The following PPP4R3B variants were observed in gnomAD, a reference collection of about 807,000 sequenced individuals.
PPP4R3B encodes serine/threonine-protein phosphatase 4 regulatory subunit 3B.
A neutral mutation model predicts 95.4 loss-of-function variants in PPP4R3B; 52 were observed. The ratio of observed to expected loss-of-function variants is 0.54; its 90% confidence interval spans 0.44 to 0.69. The LOEUF is 0.69. Ranked by LOEUF, PPP4R3B falls within the 30% of genes least tolerant of loss-of-function variation. The pLI, the probability that PPP4R3B is intolerant of heterozygous loss-of-function variation, is 0.00. For synonymous variants in PPP4R3B, 407 were observed against 343.9 expected (o/e 1.18, Z -2.03); for missense variants, 1,003 against 1,005.9 (o/e 1.00, Z 0.04).
chr2:55,581,272 A>G (rs1367448126), intron 8 of PPP4R3B, among the ~76,000 whole-genome samples: 1 of 152,198 alleles, frequency 6.6e-6, no homozygotes, highest in Non-Finnish European at 1.5e-5. Flanking sequence ...TAATAATTTT[A>G]TCATTTTTAA....
Position 55,581,573 on chromosome 2 carries a change from T to G in PPP4R3B, c.1359A>C (p.Thr453=). The G allele has an allele frequency of 6.2e-7, 1 of 1,611,516 alleles. No individual in the cohort carries two copies. Among genetic ancestry groups the G allele is most frequent in the South Asian group, 1.1e-5 (1 of 90,420 alleles). Residue 453 remains threonine (T), a synonymous_variant, in exon 8 of 17, where the codon ACA becomes ACC. Transcript: ENST00000616407. ...TCTCAGAGTAATTTCTTACATTAGT[T>G]GTAGCCAGCATGTTCTCTGGATCAA... ...TLIDPENMLA[T]TNKTEKSEFL... is the part of the protein sequence containing the mutation.
At chr2:55,592,599 C>G (rs1042352549) in intron 4 of PPP4R3B, among the ~76,000 whole-genome samples, 1 of 152,118 alleles carries the variant, frequency 6.6e-6, no homozygotes, top group South Asian at 2.1e-4. Flanking sequence ...TTTTCTCTTT[C>G]CGTGCCAAAA....
chr2:55,607,876 C>T (rs983053651), intron 2 of PPP4R3B, among the ~76,000 whole-genome samples: 1 of 152,192 alleles, frequency 6.6e-6, no homozygotes, highest in Non-Finnish European at 1.5e-5. Context: ...ACCCTTTATC[C>T]AGCCATCCAA....
intron 2 of PPP4R3B, among the ~76,000 whole-genome samples, chr2:55,611,328 T>TA (rs1437147917): frequency 6.6e-6 from 1 of 152,124 alleles, no homozygotes; most frequent in East Asian, 1.9e-4. Flanking sequence ...CACCTGGCTT[T>TA]GACTCTGCTT....
At chr2:55,576,594 C>T (rs938613060) in intron 11 of PPP4R3B, among the ~76,000 whole-genome samples, 2 of 150,448 alleles carry the variant, frequency 1.3e-5, no homozygotes, top group African/African-American at 2.4e-5. Context: ...TACAAAAAAT[C>T]GGGAGGCTGA....
chr2:55,557,194 T>C lies in PPP4R3B; in HGVS notation c.2454+1581A>G, dbSNP rs1368223425. Among the ~76,000 whole-genome samples, 3 of 152,146 alleles carry C rather than the reference T, an allele frequency of 2.0e-5. No individual in the cohort carries two copies. The East Asian group carries it at 5.8e-4, about 29-fold the overall frequency. On this transcript the variant is annotated intron_variant, in intron 16 of 16. Coordinates refer to ENST00000616407, the MANE Select transcript of PPP4R3B (RefSeq NM_001122964.3). ...TTTGAACCCAAACAATACAACCCTA[T>C]GGCAAATATTCTTTTTTGAGCAGGG... is the stretch of plus-strand genomic sequence containing the variant.
chr2:55,554,302 C>T (rs1039014323), intron 16 of PPP4R3B, among the ~76,000 whole-genome samples: 3 of 152,210 alleles, frequency 2.0e-5, no homozygotes, highest in African/African-American at 7.2e-5. Flanking sequence ...GATGCTCCTG[C>T]CTCGGCCTCC....
At chr2:55,559,573 A>T (rs1245045593) in intron 15 of PPP4R3B, among the ~76,000 whole-genome samples, 1 of 151,976 alleles carries the variant, frequency 6.6e-6, no homozygotes, top group Non-Finnish European at 1.5e-5. Context: ...TGTGATAGTG[A>T]GTTCTCACGA....
chr2:55,600,801 A>C (rs557234424), intron 3 of PPP4R3B, among the ~76,000 whole-genome samples: 42 of 152,292 alleles, frequency 2.8e-4, no homozygotes, highest in South Asian at 8.3e-4. Flanking sequence ...GGAAAGGAGA[A>C]ACAGTAAAAG....
At position 55,549,861 on chromosome 2, in the gene PPP4R3B, A is replaced by G; in HGVS notation, c.*50T>C. On this transcript the variant is annotated 3_prime_UTR_variant, in exon 17 of 17. Coordinates refer to ENST00000616407, the MANE Select transcript of PPP4R3B (RefSeq NM_001122964.3). ...CTGATTCAGATTTTCAGCTCACTGA[A>G]CAGTTGCAGCATTGTAAGACCACAT... The G allele has an allele frequency of 7.5e-7, 1 of 1,338,982 alleles. No homozygotes were observed. The highest frequency in any genetic ancestry group is 1.1e-6 in the Non-Finnish European group (1 of 930,386). The allele number at this position is 1,338,982 out of a possible 1,614,324, so 82.9% of individuals were successfully genotyped here. A position where few individuals can be genotyped will look rare whatever the true frequency, so the allele number is the denominator to read the frequency against.
chr2:55,555,604 A>G (rs1685749204), intron 16 of PPP4R3B, among the ~76,000 whole-genome samples: 1 of 152,176 alleles, frequency 6.6e-6, no homozygotes, highest in Non-Finnish European at 1.5e-5. Context: ...ATCCTAGAAC[A>G]TTATAATAAA....
intron 11 of PPP4R3B, among the ~76,000 whole-genome samples, chr2:55,575,117 T>C (rs1284969521): frequency 6.7e-6 from 1 of 150,160 alleles, no homozygotes; most frequent in Admixed American, 6.6e-5. Context: ...TTTTTTTGTG[T>C]TTTCAGTAGA....
chr2:55,609,039 C>T (rs899427425), intron 2 of PPP4R3B, among the ~76,000 whole-genome samples: 3 of 152,106 alleles, frequency 2.0e-5, no homozygotes, highest in Admixed American at 2.0e-4. Context: ...AAGCAGCACT[C>T]GATGAGGTAT....
At chr2:55,582,070 ACAAG>A (rs1158835346) in intron 7 of PPP4R3B, among the ~76,000 whole-genome samples, 1 of 152,184 alleles carries the variant, frequency 6.6e-6, no homozygotes, top group African/African-American at 2.4e-5. Context: ...GGTTGACTAA[ACAAG>A]CAAGATCACA....
In PPP4R3B at chr2:55,565,368, T is replaced by C. The variant is rs117834518; in HGVS notation, c.1936-327A>G. ...TTAAAAAGCACTTTTACATAAAATT[T>C]CATTTGATCTTCACAACAATTCTAT... On this transcript the variant is annotated intron_variant, in intron 13 of 16. Coordinates refer to ENST00000616407, the MANE Select transcript of PPP4R3B (RefSeq NM_001122964.3). Among the ~76,000 whole-genome samples the C allele has an allele frequency of 1.7e-3, 254 of 151,936 alleles. 6 individuals are homozygous for C. The East Asian group carries it at 0.045, about 27-fold the overall frequency.
chr2:55,596,806 T>C (rs534020782), intron 4 of PPP4R3B, among the ~76,000 whole-genome samples: 1 of 151,978 alleles, frequency 6.6e-6, no homozygotes, highest in South Asian at 2.1e-4. Flanking sequence ...CTACTAAAAA[T>C]ACAAAAAATT....
At chr2:55,581,777 G>A in intron 7 of PPP4R3B, 79 bp from the exon 8 acceptor site, 2 of 1,448,554 alleles carry the variant, frequency 1.4e-6, no homozygotes, top group African/African-American at 1.4e-5. Flanking sequence ...CCAACTGAAA[G>A]AGCAAAGTGA....
At chr2:55,606,139 C>T (rs1370554718) in intron 2 of PPP4R3B, among the ~76,000 whole-genome samples, 1 of 152,132 alleles carries the variant, frequency 6.6e-6, no homozygotes, top group African/African-American at 2.4e-5. Context: ...CTCAAAATAG[C>T]TTCACAAACA....
intron 2 of PPP4R3B, among the ~76,000 whole-genome samples, chr2:55,604,887 T>A (rs1693165448): frequency 6.6e-6 from 1 of 152,082 alleles, no homozygotes; most frequent in Admixed American, 6.5e-5. Flanking sequence ...GTGACCAGAC[T>A]AGAGTGTAGG....
Sources: gnomAD v4.1 joint callset for allele counts (sites outside exome capture counted in the v4.1 genomes callset) on GRCh38, gnomAD v4.1.1 for gene constraint, MANE v1.5 for transcripts, NCBI Gene and HGNC (gene_info 2026-07-23, HGNC 2026-07-21) for gene names.